Variants in SAMD12 observed in about 807,000 individuals in gnomAD.
SAMD12 encodes sterile alpha motif domain-containing protein 12.
Under a neutral mutation model 15.0 loss-of-function variants are expected in SAMD12, and 9 were observed. The ratio of observed to expected loss-of-function variants is 0.60; its 90% CI spans 0.36 to 1.05. SAMD12 has a LOEUF of 1.05. SAMD12 is among the 50% of genes least tolerant of loss of function. SAMD12 has a pLI of 0.01. For synonymous variants in SAMD12, 86 were observed against 90.1 expected (o/e 0.96, Z 0.25); for missense variants, 230 against 234.2 (o/e 0.98, Z 0.12).
chr8:118,320,858 G>T (rs1816211926), intron 4 of SAMD12, among the ~76,000 whole-genome samples: 1 of 148,114 alleles, frequency 6.8e-6, no homozygotes. Context: ...ACAGAACAAT[G>T]CATGTGTGTC....
chr8:118,316,726 T>C (rs1220593885), intron 4 of SAMD12, among the ~76,000 whole-genome samples: 1 of 151,998 alleles, frequency 6.6e-6, no homozygotes, highest in African/African-American at 2.4e-5. Context: ...ATGGAATGAA[T>C]TGTGTCCACT....
chr8:118,283,040 G>T (rs1397448343), intron 4 of SAMD12, among the ~76,000 whole-genome samples: 1 of 152,102 alleles, frequency 6.6e-6, no homozygotes, highest in Admixed American at 6.6e-5. Context: ...CTAGTTCTAA[G>T]TATAGTGGCA....
At chr8:118,436,418 C>T (rs1822576428) in intron 3 of SAMD12, among the ~76,000 whole-genome samples, 1 of 152,114 alleles carries the variant, frequency 6.6e-6, no homozygotes, top group Non-Finnish European at 1.5e-5. Flanking sequence ...GGATTTGACT[C>T]AGACCTATGA....
At chr8:118,545,502 G>A (rs1826099985) in intron 2 of SAMD12, among the ~76,000 whole-genome samples, 1 of 151,946 alleles carries the variant, frequency 6.6e-6, no homozygotes, top group Admixed American at 6.6e-5. Context: ...AGAATCCCAG[G>A]CAATTCTAAA....
At chr8:118,202,611 G>C (rs1415533385) in intron 4 of SAMD12, among the ~76,000 whole-genome samples, 1 of 152,054 alleles carries the variant, frequency 6.6e-6, no homozygotes, top group Admixed American at 6.5e-5. Context: ...AAGGATTGTT[G>C]TGTGTGGAGA....
At chr8:118,165,620 A>ATATATATATACATATATATATATATATG in the SAMD12 span, among the ~76,000 whole-genome samples, 3 of 132,338 alleles carry the variant, frequency 2.3e-5, no homozygotes, top group Admixed American at 7.9e-5. Context: ...ATATGTATAT[A>ATATATATATACATATATATATATATATG]TATATATATA....
chr8:118,220,894 T>A (rs984181110), intron 4 of SAMD12, among the ~76,000 whole-genome samples: 1 of 152,106 alleles, frequency 6.6e-6, no homozygotes, highest in Admixed American at 6.6e-5. Flanking sequence ...CCTGTCCTTG[T>A]GCCAACTGCC....
At chr8:118,489,936 A>T (rs1219936932) in intron 2 of SAMD12, among the ~76,000 whole-genome samples, 5 of 152,164 alleles carry the variant, frequency 3.3e-5, no homozygotes, top group Non-Finnish European at 7.4e-5. Flanking sequence ...AAGGAAAGGA[A>T]GCAGCTCTGC....
rs550974506 is a variant in SAMD12 at position 118,299,432 on chromosome 8, G to A, written c.433+80128C>T. Among the ~76,000 whole-genome samples, 15 of 152,246 alleles carry A rather than the reference G, an allele frequency of 9.9e-5. No homozygotes were observed. In the South Asian group the frequency reaches 1.9e-3, roughly 19 times the overall value. On this transcript the variant is annotated intron_variant, in intron 4 of 4. Coordinates refer to the SAMD12 transcript ENST00000409003. ...ACAACATATGACTGTGATGAAAGAC[G>A]TGGGTCTCTACACGTCCAGTGGTTT...
chr8:118,445,312 T>A (rs2130901757), intron 2 of SAMD12, among the ~76,000 whole-genome samples: 1 of 152,324 alleles, frequency 6.6e-6, no homozygotes, highest in Non-Finnish European at 1.5e-5. Flanking sequence ...AAAGTACTAA[T>A]AATGTCTTCT....
At chr8:118,326,118 A>T (rs1205696541) in intron 4 of SAMD12, among the ~76,000 whole-genome samples, 2 of 152,212 alleles carry the variant, frequency 1.3e-5, no homozygotes, top group East Asian at 3.9e-4. Flanking sequence ...TCTTAATAAT[A>T]GTGCCCTGCT....
the SAMD12 span, among the ~76,000 whole-genome samples, chr8:118,136,020 T>G: frequency 6.6e-6 from 1 of 151,838 alleles, no homozygotes; most frequent in Non-Finnish European, 1.5e-5. Context: ...TTATCTGGCT[T>G]CTTTGTTTTT....
At chr8:118,165,628 A>ACATATATATGTATATATG in the SAMD12 span, among the ~76,000 whole-genome samples, 36 of 144,026 alleles carry the variant, frequency 2.5e-4, no homozygotes, top group African/African-American at 9.1e-4. Flanking sequence ...ATATATATAT[A>ACATATATATGTATATATG]TATATATACA....
rs183237209 is a variant in SAMD12 at position 118,599,835 on chromosome 8, A to C, written c.14-18942T>G. 2.4e-4 allele frequency among the ~76,000 whole-genome samples: 37 copies of C among 152,334 alleles called. No individual in the cohort carries two copies. The East Asian group carries it at 6.6e-3, about 27-fold the overall frequency. On this transcript the variant is annotated intron_variant, in intron 1 of 3. Transcript: ENST00000314727. The stretch of plus-strand genomic sequence containing the variant: ...GGAAAAACCTGAGGCAGGAACTGCT[A>C]CAGCAATCTAGACCTCTCAAGATGA...
chr8:118,230,841 G>A (rs1321148474), intron 4 of SAMD12, among the ~76,000 whole-genome samples: 1 of 152,146 alleles, frequency 6.6e-6, no homozygotes, highest in Non-Finnish European at 1.5e-5. Flanking sequence ...AATCAGAGGG[G>A]CAGGAAGGAA....
chr8:118,264,976 CAA>C, intron 4 of SAMD12, among the ~76,000 whole-genome samples: 1 of 152,252 alleles, frequency 6.6e-6, no homozygotes, highest in African/African-American at 2.4e-5. Context: ...CAGGTACTTC[CAA>C]TGGTGATTTC....
chr8:118,191,250 G>T (rs1168269569), exon 5 of SAMD12: 1 of 152,042 alleles, frequency 6.6e-6, no homozygotes, highest in African/African-American at 2.4e-5. Flanking sequence ...TTAAACCATG[G>T]TCTTCTCAGA....
chr8:118,364,626 C>G (rs1818674426), intron 4 of SAMD12, among the ~76,000 whole-genome samples: 1 of 152,116 alleles, frequency 6.6e-6, no homozygotes, highest in African/African-American at 2.4e-5. Flanking sequence ...TGCGGTGAAG[C>G]TGTGAAAAAT....
At chr8:118,371,848 A>C (rs1417763583) in intron 4 of SAMD12, among the ~76,000 whole-genome samples, 1 of 152,168 alleles carries the variant, frequency 6.6e-6, no homozygotes, top group Non-Finnish European at 1.5e-5. Context: ...ACCTACCCCC[A>C]GGAGGAATCA....
Sources: allele counts gnomAD v4.1 joint callset (sites outside exome capture counted in the v4.1 genomes callset), GRCh38; gene constraint gnomAD v4.1.1; transcripts MANE v1.5; gene names NCBI Gene and HGNC (gene_info 2026-07-23, HGNC 2026-07-21).